The following EVC2 variants were observed in gnomAD, a reference collection of about 807,000 sequenced individuals.
EVC2 encodes the protein limbin.
In EVC2, 148 loss-of-function variants were observed where a neutral mutation model predicts 149.3. The observed-to-expected ratio is 0.99, with a 90% CI of 0.87 to 1.14. EVC2 has a LOEUF of 1.14. Ranked by LOEUF, EVC2 falls within the 50% of genes most tolerant of loss-of-function variation. EVC2 has a pLI of 0.00. For synonymous variants in EVC2, 776 were observed against 649.9 expected, an observed-to-expected ratio of 1.19 and a Z score of -2.95; for missense variants, 1,854 against 1,627.3, an observed-to-expected ratio of 1.14 and a Z score of -2.40.
chr4:5,592,032 A>G (rs1712854758), intron 16 of EVC2, among the ~76,000 whole-genome samples: 1 of 152,210 alleles, frequency 6.6e-6, no homozygotes, highest in Non-Finnish European at 1.5e-5. Context: ...AGTTATTGGG[A>G]TTCTAAAGGG....
downstream of EVC2, among the ~76,000 whole-genome samples, chr4:5,541,481 G>C (rs1245058160): frequency 6.6e-6 from 1 of 152,204 alleles, no homozygotes; most frequent in Non-Finnish European, 1.5e-5. Flanking sequence ...GCGAGTGCTG[G>C]AATAAGATGA....
intron 21 of EVC2, among the ~76,000 whole-genome samples, chr4:5,564,919 T>A (rs941318272): frequency 3.9e-5 from 6 of 152,212 alleles, no homozygotes; most frequent in African/African-American, 1.4e-4. Context: ...CATCCCCACT[T>A]TCTGGAAGGC....
intron 1 of EVC2, among the ~76,000 whole-genome samples, chr4:5,704,242 T>C (rs1230341025): frequency 1.3e-5 from 2 of 152,016 alleles, no homozygotes. Flanking sequence ...GAAGATGGTG[T>C]TTGTAAAGAG....
At chr4:5,674,824 C>T (rs1214233388) in intron 7 of EVC2, among the ~76,000 whole-genome samples, 1 of 152,088 alleles carries the variant, frequency 6.6e-6, no homozygotes. Context: ...CCAGCGTGGA[C>T]AATGGGCTGG....
intron 10 of EVC2, among the ~76,000 whole-genome samples, chr4:5,634,311 A>G (rs1047731435): frequency 1.3e-5 from 2 of 152,212 alleles, no homozygotes; most frequent in Non-Finnish European, 2.9e-5. Flanking sequence ...AACAACCAGG[A>G]GGGTGTCAGG....
chr4:5,534,427 A>G, the EVC2 span, among the ~76,000 whole-genome samples: 2 of 152,186 alleles, frequency 1.3e-5, no homozygotes, highest in Admixed American at 1.3e-4. Flanking sequence ...TATAAAGGTG[A>G]GAGACTGGGA....
intron 21 of EVC2, among the ~76,000 whole-genome samples, chr4:5,545,142 G>C (rs1401428934): frequency 2.0e-5 from 3 of 152,210 alleles, no homozygotes; most frequent in Non-Finnish European, 4.4e-5. Context: ...CCCTGTATGG[G>C]ATCTGTGTCC....
chr4:5,608,927 A>G (rs1459580178), intron 16 of EVC2, among the ~76,000 whole-genome samples: 1 of 152,064 alleles, frequency 6.6e-6, no homozygotes, highest in Non-Finnish European at 1.5e-5. Flanking sequence ...ATAGAACAGA[A>G]AGTTGGGAAA....
intron 7 of EVC2, among the ~76,000 whole-genome samples, chr4:5,671,163 T>C (rs1719624383): frequency 1.4e-5 from 2 of 143,692 alleles, no homozygotes; most frequent in South Asian, 4.3e-4. Flanking sequence ...TATAATGTCA[T>C]TGTAGAAAAA....
intron 9 of EVC2, among the ~76,000 whole-genome samples, chr4:5,645,726 T>C (rs1717661518): frequency 6.6e-6 from 1 of 152,186 alleles, no homozygotes; most frequent in Non-Finnish European, 1.5e-5. Context: ...TAAATATACA[T>C]GTGTATGTGT....
intron 5 of EVC2, among the ~76,000 whole-genome samples, chr4:5,687,226 T>C (rs71597784): frequency 0.11 from 17,225 of 151,854 alleles, 1,018 homozygotes; most frequent in African/African-American, 0.13. Flanking sequence ...CACTGCACTC[T>C]AGGCTGGGCG....
intron 9 of EVC2, among the ~76,000 whole-genome samples, chr4:5,658,073 A>T (rs1010269316): frequency 6.6e-6 from 1 of 152,222 alleles, no homozygotes; most frequent in African/African-American, 2.4e-5. Flanking sequence ...CATAGTGTAG[A>T]ATCAAAGAGT....
chr4:5,646,687 G>A (rs1456219408), intron 9 of EVC2, among the ~76,000 whole-genome samples: 1 of 152,104 alleles, frequency 6.6e-6, no homozygotes, highest in African/African-American at 2.4e-5. Context: ...GGGTTTGTTT[G>A]TTTATCAGCT....
chr4:5,657,699 T>G lies in EVC2; in HGVS notation c.1145+5408A>C, dbSNP rs1718616453. On this transcript the variant is annotated intron_variant, in intron 9 of 21. Coordinates refer to ENST00000344408, the MANE Select transcript of EVC2 (RefSeq NM_147127.5). This position sits in a 1 kb window ranked among gnomAD's most constrained non-coding sequence, Gnocchi z 4.7. ...AGGTCCCTGCACTCACATAACTTAC[T>G]GCTCAGGTGGGTAAGATGAAATACA... Among the ~76,000 whole-genome samples the G allele has an allele frequency of 1.3e-5, 2 of 150,042 alleles. No homozygotes were observed. Among genetic ancestry groups the G allele is most frequent in the South Asian group, 4.2e-4 (2 of 4,732 alleles).
intron 1 of EVC2, among the ~76,000 whole-genome samples, chr4:5,703,658 T>A (rs557440100): frequency 2.6e-5 from 4 of 152,324 alleles, no homozygotes; most frequent in South Asian, 4.1e-4. Flanking sequence ...TACTATGTGC[T>A]ATTTTGAAAA....
At chr4:5,701,478 C>T (rs1217163265) in intron 1 of EVC2, among the ~76,000 whole-genome samples, 1 of 152,150 alleles carries the variant, frequency 6.6e-6, no homozygotes, top group East Asian at 1.9e-4. Context: ...ACCTTCGGGT[C>T]ACATTCCTGG....
intron 16 of EVC2, among the ~76,000 whole-genome samples, chr4:5,606,878 T>A (rs1192148225): frequency 6.6e-6 from 1 of 152,026 alleles, no homozygotes; most frequent in Non-Finnish European, 1.5e-5. Flanking sequence ...GAATGATGAG[T>A]ACGTTAAGGT....
At position 5,618,270 on chromosome 4, in the gene EVC2, C is replaced by T. The variant is rs1715415894; in HGVS notation, c.2706+208G>A. ...CAGCCCAGGCAACAGGATCAGGGCA[C>T]AGCACCAGCAGTGTCCACTATAGAC... On this transcript the variant is annotated intron_variant, in intron 15 of 21. Coordinates refer to ENST00000344408, the MANE Select transcript of EVC2 (RefSeq NM_147127.5). This position sits in a 1 kb window ranked among gnomAD's most constrained non-coding sequence, Gnocchi z 4.4. 6.6e-6 allele frequency among the ~76,000 whole-genome samples: 1 copy of T among 152,186 alleles called. No homozygotes were observed. Among genetic ancestry groups the T allele is most frequent in the African/African-American group, 2.4e-5 (1 of 41,454 alleles).
At chr4:5,578,878 T>C (rs1192478052) in intron 17 of EVC2, among the ~76,000 whole-genome samples, 2 of 152,122 alleles carry the variant, frequency 1.3e-5, no homozygotes, top group African/African-American at 4.8e-5. Context: ...CCAGAGGGAA[T>C]CATGGATGGC....
Sources: allele counts gnomAD v4.1 joint callset (sites outside exome capture counted in the v4.1 genomes callset), GRCh38; gene constraint gnomAD v4.1.1; non-coding constraint Gnocchi (gnomAD v3.1); transcripts MANE v1.5; gene names NCBI Gene and HGNC (gene_info 2026-07-23, HGNC 2026-07-21).